SYNDIG1L: variants seen among roughly 807,000 people sequenced by gnomAD.
SYNDIG1L encodes the protein synapse differentiation inducing 1 like, also known as synapse differentiation-inducing gene protein 1-like.
In SYNDIG1L, 13 loss-of-function variants were observed where a neutral mutation model predicts 20.1. The ratio of observed to expected loss-of-function variants is 0.65; its 90% CI spans 0.42 to 1.03. The LOEUF (loss-of-function observed/expected upper bound fraction) is 1.03, where lower values mean the gene tolerates loss of function less well. Ranked by LOEUF, SYNDIG1L falls within the 50% of genes least tolerant of loss-of-function variation. The pLI is 0.00. For synonymous variants in SYNDIG1L, 128 were observed against 129.3 expected, an observed-to-expected ratio of 0.99 and a Z score of 0.07; for missense variants, 294 against 305.1, an observed-to-expected ratio of 0.96 and a Z score of 0.27.
the SYNDIG1L span, chr14:74,476,734 A>C: frequency 4.9e-6 from 3 of 613,662 alleles, no homozygotes; most frequent in Admixed American, 2.9e-5. Flanking sequence ...CCTCCCCTCC[A>C]CCCCTTTTTA....
the SYNDIG1L span, among the ~76,000 whole-genome samples, chr14:74,469,264 G>A: frequency 2.4e-4 from 37 of 151,404 alleles, no homozygotes; most frequent in Middle Eastern, 3.4e-3. Context: ...TCTGAGCATC[G>A]CAAGGACAGA....
At chr14:74,443,855 CA>C in the SYNDIG1L span, among the ~76,000 whole-genome samples, 113 of 152,182 alleles carry the variant, frequency 7.4e-4, no homozygotes, top group African/African-American at 2.6e-3. Flanking sequence ...AGTGAGGGGT[CA>C]GGGGGATGAC....
At chr14:74,447,504 T>C in the SYNDIG1L span, among the ~76,000 whole-genome samples, 4 of 152,102 alleles carry the variant, frequency 2.6e-5, no homozygotes, top group East Asian at 7.7e-4. Context: ...GGAGAATTGC[T>C]TGAACCTGGG....
At chr14:74,458,970 G>A in the SYNDIG1L span, among the ~76,000 whole-genome samples, 1 of 152,044 alleles carries the variant, frequency 6.6e-6, no homozygotes, top group Non-Finnish European at 1.5e-5. Context: ...TCGGGGCTGT[G>A]GGCAATGTGT....
rs751950550 is a variant in SYNDIG1L at position 74,406,002 on chromosome 14, G to A, written c.*1533C>T. On this transcript the variant is annotated 3_prime_UTR_variant, in exon 4 of 4. Transcript: ENST00000331628. ...GCTGGGCAGTGCCCGAGGCAGGGGA[G>A]GACAGTGGGACAAGGGATGCTCAGT... 40 of 398,826 alleles carry A rather than the reference G, an allele frequency of 1.0e-4. No homozygotes were observed. Among genetic ancestry groups the A allele is most frequent in the Non-Finnish European group, 1.5e-4 (34 of 226,324 alleles). 24.7% of individuals were successfully genotyped at this position (398,826 alleles called of 1,614,324 possible).
upstream of SYNDIG1L, among the ~76,000 whole-genome samples, chr14:74,428,219 T>C (rs980646049): frequency 6.6e-6 from 1 of 152,220 alleles, no homozygotes; most frequent in Non-Finnish European, 1.5e-5. Context: ...CTGAAGAAAC[T>C]ATAAGTGCAA....
intron 1 of SYNDIG1L, among the ~76,000 whole-genome samples, chr14:74,423,386 G>A (rs532637482): frequency 1.3e-5 from 2 of 152,322 alleles, no homozygotes; most frequent in East Asian, 1.9e-4. Flanking sequence ...CACCTCACTA[G>A]CTTGCTGTTG....
intron 2 of SYNDIG1L, 112 bp from the exon 3 acceptor site, chr14:74,408,101 G>C: frequency 7.5e-7 from 1 of 1,328,746 alleles, no homozygotes; most frequent in Non-Finnish European, 1.0e-6. Flanking sequence ...GGAGCAACAA[G>C]CAGTCTCTTC....
the SYNDIG1L span, among the ~76,000 whole-genome samples, chr14:74,455,312 C>A: frequency 1.3e-5 from 2 of 152,158 alleles, no homozygotes; most frequent in Non-Finnish European, 2.9e-5. Flanking sequence ...TGGAGTCCTG[C>A]ATGCCTCACC....
At chr14:74,438,688 C>T in the SYNDIG1L span, among the ~76,000 whole-genome samples, 3 of 152,212 alleles carry the variant, frequency 2.0e-5, no homozygotes, top group Non-Finnish European at 2.9e-5. Flanking sequence ...CATTTCCTAA[C>T]ACCCAACCAT....
chr14:74,466,982 C>T, the SYNDIG1L span, among the ~76,000 whole-genome samples: 1 of 152,202 alleles, frequency 6.6e-6, no homozygotes, highest in Non-Finnish European at 1.5e-5. Flanking sequence ...ACCCCTCACA[C>T]TTCACAAGGG....
chr14:74,428,412 A>G (rs938356063), upstream of SYNDIG1L, among the ~76,000 whole-genome samples: 1 of 152,008 alleles, frequency 6.6e-6, no homozygotes, highest in African/African-American at 2.4e-5. Context: ...TCCTTTTTCC[A>G]TCAAGCATTT....
chr14:74,465,413 A>G, the SYNDIG1L span, among the ~76,000 whole-genome samples: 13 of 152,166 alleles, frequency 8.5e-5, no homozygotes, highest in Admixed American at 8.5e-4. Context: ...TTTTCTTCCA[A>G]TGGCCCCACC....
chr14:74,416,791 G>T (rs192742186), intron 1 of SYNDIG1L, among the ~76,000 whole-genome samples: 3 of 152,318 alleles, frequency 2.0e-5, no homozygotes, highest in Admixed American at 2.0e-4. Context: ...TGCTTACTAA[G>T]TTCTTACTGT....
chr14:74,476,673 C>T, the SYNDIG1L span: 1 of 1,104,758 alleles, frequency 9.1e-7, no homozygotes, highest in Non-Finnish European at 1.3e-6. Context: ...CATTGCCCAC[C>T]CTCTTCCAGG....
chr14:74,432,184 A>T, the SYNDIG1L span, among the ~76,000 whole-genome samples: 143 of 99,380 alleles, frequency 1.4e-3, no homozygotes, highest in Non-Finnish European at 2.8e-3. Context: ...TGTGTGTGAG[A>T]GAGAGAGAGA....
Position 74,406,159 on chromosome 14 carries a change from G to A in SYNDIG1L, c.*1376C>T, listed in dbSNP as rs1006286313. 7.5e-6 allele frequency: 3 copies of A among 398,710 alleles called. No individual in the cohort carries two copies. The highest frequency in any genetic ancestry group is 4.1e-5 in the African/African-American group (2 of 48,592). The allele number at this position is 398,710 out of a possible 1,614,324, so 24.7% of individuals were successfully genotyped here. ...TGGTGCTGCCCCCCGCCTACCTGGAGATGTCTCTAAAATTCTGGATGTGCC... is the reference window on the plus strand; with the variant it reads ...TGGTGCTGCCCCCCGCCTACCTGGAAATGTCTCTAAAATTCTGGATGTGCC... On this transcript the variant is annotated 3_prime_UTR_variant, in exon 4 of 4. Coordinates refer to ENST00000331628, the MANE Select transcript of SYNDIG1L (RefSeq NM_001105579.2).
chr14:74,445,159 C>T, the SYNDIG1L span, among the ~76,000 whole-genome samples: 1 of 152,112 alleles, frequency 6.6e-6, no homozygotes, highest in Non-Finnish European at 1.5e-5. Flanking sequence ...CATCTCCTTT[C>T]TCTCTCTTGC....
the SYNDIG1L span, among the ~76,000 whole-genome samples, chr14:74,458,949 G>A: frequency 1.3e-5 from 2 of 152,114 alleles, no homozygotes; most frequent in African/African-American, 4.8e-5. Flanking sequence ...TGCCTGTTTC[G>A]TGTGATGGTG....
Sources: allele counts gnomAD v4.1 joint callset (sites outside exome capture counted in the v4.1 genomes callset), GRCh38; gene constraint gnomAD v4.1.1; transcripts MANE v1.5; gene names NCBI Gene and HGNC (gene_info 2026-07-23, HGNC 2026-07-21).